Variants in DMD observed in about 807,000 individuals in gnomAD.
The protein encoded by DMD is mutant dystrophin.
A neutral mutation model predicts 330.1 loss-of-function variants in DMD; 63 were observed. The observed-to-expected ratio is 0.19, with a 90% CI of 0.16 to 0.24. The LOEUF (loss-of-function observed/expected upper bound fraction) is 0.24, where lower values mean the gene tolerates loss of function less well. Ranked by LOEUF, DMD falls within the 10% of genes least tolerant of loss-of-function variation. The pLI is 1.00. For missense variants in DMD, 3,344 were observed against 2,684.1 expected (o/e 1.25, Z -5.43); for synonymous variants, 1,223 against 959.8 (o/e 1.27, Z -5.07).
At chrX:31,718,413 T>TG (rs2085224244) in intron 52 of DMD, among the ~76,000 whole-genome samples, 1 of 111,123 alleles carries the variant, frequency 9.0e-6, no homozygotes, top group Non-Finnish European at 1.9e-5. Context: ...CTCTCAATAA[T>TG]GAGGATAGTT....
At chrX:31,364,880 G>C (rs1315418268) in intron 60 of DMD, among the ~76,000 whole-genome samples, 1 of 110,627 alleles carries the variant, frequency 9.0e-6, no homozygotes, top group Non-Finnish European at 1.9e-5. Flanking sequence ...GGCAGATCAC[G>C]AGATTAGGAG....
intron 1 of DMD, among the ~76,000 whole-genome samples, chrX:33,073,700 C>T (rs1242221415): frequency 9.1e-6 from 1 of 109,963 alleles, no homozygotes; most frequent in Non-Finnish European, 1.9e-5. Context: ...GGCTTGGTGG[C>T]GGGTGCCCGT....
At chrX:31,857,089 C>T (rs920354924) in intron 48 of DMD, among the ~76,000 whole-genome samples, 1 of 110,980 alleles carries the variant, frequency 9.0e-6, no homozygotes, top group Admixed American at 9.6e-5. Context: ...GTCAAGAATA[C>T]CAATCTTGGC....
At chrX:31,380,283 T>C (rs1460863165) in intron 60 of DMD, among the ~76,000 whole-genome samples, 6 of 110,811 alleles carry the variant, frequency 5.4e-5, no homozygotes, top group Admixed American at 9.7e-5. Flanking sequence ...TTTAACTAAA[T>C]GATCTGCTTC....
chrX:32,236,552 G>C (rs1304417777), intron 43 of DMD, among the ~76,000 whole-genome samples: 1 of 111,388 alleles, frequency 9.0e-6, no homozygotes, highest in Non-Finnish European at 1.9e-5. Flanking sequence ...TGAATCATGG[G>C]GGCAGGTCCT....
At chrX:31,163,247 T>G (rs2039049743) in intron 74 of DMD, among the ~76,000 whole-genome samples, 1 of 110,329 alleles carries the variant, frequency 9.1e-6, no homozygotes, top group East Asian at 2.8e-4. Context: ...GGGGGTGGGG[T>G]TTTCCCATGC....
chrX:31,125,415 T>C (rs2033503283), intron 78 of DMD, among the ~76,000 whole-genome samples: 2 of 111,843 alleles, frequency 1.8e-5, no homozygotes, highest in African/African-American at 6.5e-5. Context: ...TTGTATGGCA[T>C]GATGTTGGCA....
chrX:32,518,035 G>C lies in DMD; in HGVS notation c.2265C>G (p.Asn755Lys). The C allele has an allele frequency of 8.3e-7, 1 of 1,210,303 alleles. No homozygotes were observed. Among genetic ancestry groups the C allele is most frequent in the Non-Finnish European group, 1.1e-6 (1 of 894,339 alleles). ...TGACTTTTTCTTTTAAGTCTGAGAA[G>C]TTGCCTTCCTTCCGAAAGATTGCAA... ...PEFAIFRKEGNFSDLKEKVNA... is the reference protein window; with the variant it reads ...PEFAIFRKEGKFSDLKEKVNA... Residue 755 changes from asparagine (N) to lysine (K), a missense_variant, in exon 18 of 79, where the codon AAC becomes AAG. Coordinates refer to ENST00000357033, the MANE Select transcript of DMD (RefSeq NM_004006.3).
At chrX:31,365,820 G>T (rs2059200562) in intron 60 of DMD, among the ~76,000 whole-genome samples, 1 of 112,667 alleles carries the variant, frequency 8.9e-6, no homozygotes, top group Non-Finnish European at 1.9e-5. Flanking sequence ...CATCTCCTCT[G>T]TTATGTTGGA....
chrX:31,961,289 C>A (rs1419650079), intron 45 of DMD, among the ~76,000 whole-genome samples: 1 of 111,774 alleles, frequency 8.9e-6, no homozygotes, highest in Admixed American at 9.5e-5. Flanking sequence ...ATGATAAAAA[C>A]AGAAAAATTG....
At chrX:31,621,023 A>T (rs2148373964) in intron 55 of DMD, among the ~76,000 whole-genome samples, 1 of 111,586 alleles carries the variant, frequency 9.0e-6, no homozygotes, top group African/African-American at 3.3e-5. Flanking sequence ...TACATTCACA[A>T]CTGCTTCAAG....
intron 44 of DMD, among the ~76,000 whole-genome samples, chrX:32,142,681 G>A (rs2096759311): frequency 8.9e-6 from 1 of 112,256 alleles, no homozygotes; most frequent in Non-Finnish European, 1.9e-5. Flanking sequence ...TTTACTCCAT[G>A]CTACGACCTT....
At chrX:33,066,402 T>C (rs1333681483) in intron 1 of DMD, among the ~76,000 whole-genome samples, 1 of 82,440 alleles carries the variant, frequency 1.2e-5, no homozygotes, top group Admixed American at 1.8e-4. Context: ...TGAGACGAGA[T>C]CACACCACTG....
At chrX:32,294,557 G>A (rs781094159) in intron 42 of DMD, among the ~76,000 whole-genome samples, 1 of 111,519 alleles carries the variant, frequency 9.0e-6, no homozygotes, top group Non-Finnish European at 1.9e-5. Flanking sequence ...AGTTATGAAC[G>A]GTTTTAGCAA....
At chrX:32,842,802 C>G (rs979619091) in intron 4 of DMD, among the ~76,000 whole-genome samples, 2 of 100,558 alleles carry the variant, frequency 2.0e-5, no homozygotes, top group Admixed American at 1.0e-4. Flanking sequence ...GTATATGTAC[C>G]AAATTATTAT....
chrX:33,262,734 C>T (rs994684266), intron 1 of DMD, among the ~76,000 whole-genome samples: 2 of 110,456 alleles, frequency 1.8e-5, no homozygotes, highest in African/African-American at 6.6e-5. Context: ...GTTATTTACT[C>T]TAAAATAATT....
At chrX:32,174,484 G>A (rs1484027223) in intron 44 of DMD, among the ~76,000 whole-genome samples, 1 of 111,919 alleles carries the variant, frequency 8.9e-6, no homozygotes, top group African/African-American at 3.2e-5. Context: ...AGTTTTATTG[G>A]ATCACAATGA....
chrX:32,855,129 C>A (rs1173008585), intron 2 of DMD, among the ~76,000 whole-genome samples: 3 of 111,675 alleles, frequency 2.7e-5, no homozygotes, highest in African/African-American at 9.8e-5. Flanking sequence ...TTCAACATGC[C>A]TTCATGATAA....
intron 44 of DMD, among the ~76,000 whole-genome samples, chrX:31,990,211 A>G (rs920609821): frequency 1.8e-5 from 2 of 112,178 alleles, no homozygotes; most frequent in African/African-American, 6.5e-5. Flanking sequence ...AGTCTTCGAC[A>G]TTTTTACTTT....
Sources: gnomAD v4.1 joint callset for allele counts (sites outside exome capture counted in the v4.1 genomes callset) on GRCh38, gnomAD v4.1.1 for gene constraint, MANE v1.5 for transcripts, NCBI Gene and HGNC (gene_info 2026-07-23, HGNC 2026-07-21) for gene names.